Variants in RYR2 observed in about 807,000 individuals in gnomAD.
The protein encoded by RYR2 is ryanodine receptor 2.
Under a neutral mutation model 601.1 loss-of-function variants are expected in RYR2, and 227 were observed. That is an observed-to-expected ratio of 0.38 (90% confidence interval 0.34 to 0.42). The LOEUF (loss-of-function observed/expected upper bound fraction) is 0.42. Ranked by LOEUF, RYR2 falls within the 10% of genes least tolerant of loss-of-function variation. The pLI is 1.00. For synonymous variants in RYR2, 2,223 were observed against 2,175.1 expected (o/e 1.02, Z -0.61); for missense variants, 4,646 against 6,156.5 (o/e 0.75, Z 8.21).
Position 237,281,323 on chromosome 1 carries a change from T to A in RYR2, c.168+10707T>A, listed in dbSNP as rs183991372. ...ACTAAAGACTCATTCTGGAAATTTT[T>A]AAAAGATTTTAAAGAATTCTCATTG... On this transcript the variant is annotated intron_variant, in intron 2 of 104. Transcript: ENST00000366574. Among the ~76,000 whole-genome samples, 266 of 152,350 alleles carry A rather than the reference T, an allele frequency of 1.7e-3. 2 individuals are homozygous for A. Among genetic ancestry groups the A allele is most frequent in the South Asian group, 4.8e-3 (23 of 4,832 alleles).
At chr1:237,657,910 A>G in intron 53 of RYR2, 34 bp from the exon 54 acceptor site, 1 of 1,191,172 alleles carries the variant, frequency 8.4e-7, no homozygotes, top group South Asian at 1.5e-5. Context: ...AATTCTGTGA[A>G]AATCAAGCTC....
At chr1:237,576,215 T>C (rs1217322600) in intron 29 of RYR2, among the ~76,000 whole-genome samples, 1 of 152,230 alleles carries the variant, frequency 6.6e-6, no homozygotes, top group Admixed American at 6.5e-5. Flanking sequence ...GATCAGACTT[T>C]TCAAATAAAA....
chr1:237,562,341 G>A (rs1671541205), intron 27 of RYR2, among the ~76,000 whole-genome samples: 1 of 152,168 alleles, frequency 6.6e-6, no homozygotes, highest in Non-Finnish European at 1.5e-5. Flanking sequence ...TTCTAGATAT[G>A]TATAAAATTT....
At chr1:237,585,533 GT>G (rs1674435729) in intron 29 of RYR2, among the ~76,000 whole-genome samples, 1 of 152,314 alleles carries the variant, frequency 6.6e-6, no homozygotes, top group Admixed American at 6.5e-5. Context: ...AGTACCTGTA[GT>G]TTTTCTCCAC....
chr1:237,622,060 CTG>C (rs1679131808), intron 38 of RYR2, among the ~76,000 whole-genome samples: 1 of 152,064 alleles, frequency 6.6e-6, no homozygotes, highest in Admixed American at 6.6e-5. Flanking sequence ...TGAAGTCTCT[CTG>C]TATTATTTCT....
chr1:237,490,925 A>G (rs1468731496), intron 17 of RYR2, among the ~76,000 whole-genome samples: 3 of 152,170 alleles, frequency 2.0e-5, no homozygotes, highest in Non-Finnish European at 2.9e-5. Context: ...GCCCTTCCCA[A>G]TACTATGTAA....
At chr1:237,657,706 TTTG>T (rs541948595) in intron 53 of RYR2, among the ~76,000 whole-genome samples, 2 of 151,832 alleles carry the variant, frequency 1.3e-5, no homozygotes, top group South Asian at 2.1e-4. Flanking sequence ...TAATATGTAA[TTTG>T]TTATGTTAGC....
intron 56 of RYR2, among the ~76,000 whole-genome samples, chr1:237,665,085 G>A (rs994106334): frequency 6.6e-6 from 1 of 152,110 alleles, no homozygotes; most frequent in African/African-American, 2.4e-5. Flanking sequence ...TTTGAGGCTG[G>A]TGGCCTATTT....
intron 84 of RYR2, among the ~76,000 whole-genome samples, chr1:237,767,487 A>G (rs1222212759): frequency 6.6e-6 from 1 of 152,166 alleles, no homozygotes; most frequent in Non-Finnish European, 1.5e-5. Context: ...ACTCTTTACC[A>G]GTCGATAGCT....
intron 56 of RYR2, among the ~76,000 whole-genome samples, chr1:237,664,945 A>T (rs1357510448): frequency 6.6e-6 from 1 of 152,186 alleles, no homozygotes; most frequent in Non-Finnish European, 1.5e-5. Flanking sequence ...GATAGCAGTT[A>T]TGGTGGTAGT....
chr1:237,539,948 AATAGAC>A (rs925692411), intron 25 of RYR2, among the ~76,000 whole-genome samples: 6 of 152,170 alleles, frequency 3.9e-5, no homozygotes, highest in Non-Finnish European at 8.8e-5. Context: ...TCTGATATAT[AATAGAC>A]ATAATTTAAT....
chr1:237,574,729 AAAAC>A (rs1362626850), intron 29 of RYR2, among the ~76,000 whole-genome samples: 1 of 152,156 alleles, frequency 6.6e-6, no homozygotes, highest in African/African-American at 2.4e-5. Flanking sequence ...AGCTGGCAAA[AAAAC>A]AAACAAAAAC....
intron 24 of RYR2, among the ~76,000 whole-genome samples, chr1:237,513,487 G>A (rs1207537384): frequency 1.3e-5 from 2 of 152,130 alleles, no homozygotes; most frequent in Non-Finnish European, 2.9e-5. Flanking sequence ...CTAGAATTTG[G>A]ACTCGGGTAT....
At chr1:237,095,500 G>T (rs1465025920) in intron 1 of RYR2, among the ~76,000 whole-genome samples, 4 of 152,168 alleles carry the variant, frequency 2.6e-5, no homozygotes, top group African/African-American at 9.7e-5. Flanking sequence ...AAAGCCAAAG[G>T]GTTATTTATC....
intron 28 of RYR2, 107 bp from the exon 29 acceptor site, chr1:237,569,038 C>A: frequency 1.1e-6 from 1 of 906,558 alleles, no homozygotes; most frequent in Non-Finnish European, 1.6e-6. Flanking sequence ...GTTTCTCCTA[C>A]TGTTGTGTTG....
At chr1:237,144,301 T>C (rs6657602) in intron 1 of RYR2, among the ~76,000 whole-genome samples, 12,119 of 152,214 alleles carry the variant, frequency 0.08, 550 homozygotes, top group South Asian at 0.14. Flanking sequence ...ACAGCACTAT[T>C]TGTTACACAT....
intron 1 of RYR2, among the ~76,000 whole-genome samples, chr1:237,165,193 T>C (rs1676561204): frequency 6.6e-6 from 1 of 152,066 alleles, no homozygotes; most frequent in Admixed American, 6.5e-5. Flanking sequence ...ATTTTATTTA[T>C]ATTCCTGGAA....
chr1:237,787,933 C>G, intron 91 of RYR2, 55 bp from the exon 92 acceptor site: 3 of 1,506,376 alleles, frequency 2.0e-6, no homozygotes, highest in Non-Finnish European at 2.7e-6. Context: ...TCCACAACAC[C>G]CGTTTAGTTC....
chr1:237,808,592 A>T (rs1449133367), intron 99 of RYR2, among the ~76,000 whole-genome samples: 1 of 151,498 alleles, frequency 6.6e-6, no homozygotes, highest in African/African-American at 2.4e-5. Context: ...CCCGGGAGGC[A>T]GAGGTTGCAG....
Sources: gnomAD v4.1 joint callset for allele counts (sites outside exome capture counted in the v4.1 genomes callset) on GRCh38, gnomAD v4.1.1 for gene constraint, MANE v1.5 for transcripts, NCBI Gene and HGNC (gene_info 2026-07-23, HGNC 2026-07-21) for gene names.